Variants in TFAP4 observed in about 807,000 individuals in gnomAD.
TFAP4 encodes the protein activating enhancer-binding protein 4.
In TFAP4, 7 loss-of-function variants were observed where a neutral mutation model predicts 40.4. The ratio of observed to expected loss-of-function variants is 0.17; its 90% CI spans 0.10 to 0.33. TFAP4 has a LOEUF of 0.33. Among genes scored for constraint, TFAP4 ranks in the 10% least tolerant of loss-of-function variants. The probability of loss-of-function intolerance (pLI) is 1.00; values close to 1 mark genes in which losing one functional copy is unlikely to be tolerated. For synonymous variants in TFAP4, 218 were observed against 181.4 expected, an observed-to-expected ratio of 1.20 and a Z score of -1.62; for missense variants, 374 against 451.1, an observed-to-expected ratio of 0.83 and a Z score of 1.55.
At chr16:4,267,821 G>A (rs190353810) in intron 1 of TFAP4, among the ~76,000 whole-genome samples, 164 of 152,286 alleles carry the variant, frequency 1.1e-3, no homozygotes, top group African/African-American at 3.8e-3. Flanking sequence ...TAATCAGCCC[G>A]AGGTTCTCAT....
intron 1 of TFAP4, among the ~76,000 whole-genome samples, chr16:4,272,219 C>G (rs572438629): frequency 1.3e-5 from 2 of 151,630 alleles, no homozygotes; most frequent in African/African-American, 2.4e-5. Context: ...TGTAGCCGCC[C>G]TAGCTACACC....
chr16:4,261,706 G>C, intron 4 of TFAP4, 73 bp downstream of exon 4: 1 of 1,455,306 alleles, frequency 6.9e-7, no homozygotes, highest in South Asian at 1.4e-5. Flanking sequence ...GAGGGCCGCA[G>C]AGCAAGAGGC....
intron 4 of TFAP4, among the ~76,000 whole-genome samples, chr16:4,261,425 A>G (rs1022902700): frequency 6.7e-6 from 1 of 148,566 alleles, no homozygotes; most frequent in African/African-American, 2.5e-5. Context: ...GACTACAGGC[A>G]CCCACCACCA....
chr16:4,258,445 G>A (rs930947685), intron 6 of TFAP4, 196 bp from the exon 7 acceptor site: 2 of 554,470 alleles, frequency 3.6e-6, no homozygotes, highest in Admixed American at 6.8e-5. Context: ...ACAAGCTCTC[G>A]CTATATCACC....
rs142736216 is a variant in TFAP4 at position 4,267,753 on chromosome 16, T to A, written c.89+4905A>T. Reference sequence around the variant, plus strand: ...CATCTACACAGTCAACGTGGGAAAGTCCACACGGGATTCTCCCAAACCCAA... The same window carrying A: ...CATCTACACAGTCAACGTGGGAAAGACCACACGGGATTCTCCCAAACCCAA... On this transcript the variant is annotated intron_variant, in intron 1 of 6. Coordinates refer to ENST00000204517, the MANE Select transcript of TFAP4 (RefSeq NM_003223.3). Among the ~76,000 whole-genome samples the A allele has an allele frequency of 3.4e-3, 521 of 152,238 alleles. 3 individuals carry two copies. Among genetic ancestry groups the A allele is most frequent in the African/African-American group, 0.012 (497 of 41,546 alleles).
chr16:4,271,866 C>A (rs1324657765), intron 1 of TFAP4, among the ~76,000 whole-genome samples: 1 of 152,198 alleles, frequency 6.6e-6, no homozygotes, highest in Non-Finnish European at 1.5e-5. Flanking sequence ...AAAGCGTGGC[C>A]CAGGAGCGCC....
Position 4,272,954 on chromosome 16 carries a change from A to ATGTGTG in TFAP4, c.-214_-209dup, listed in dbSNP as rs71139626. The ATGTGTG allele has an allele frequency of 9.2e-3, 1,440 of 156,216 alleles. 16 individuals carry two copies. Among genetic ancestry groups the ATGTGTG allele is most frequent in the Middle Eastern group, 0.013 (5 of 398 alleles). 9.7% of individuals were successfully genotyped at this position (156,216 alleles called of 1,614,324 possible). A position where few individuals can be genotyped will look rare whatever the true frequency, so the allele number is the denominator to read the frequency against. On this transcript the variant is annotated 5_prime_UTR_variant, in exon 1 of 7. Coordinates refer to ENST00000204517, the MANE Select transcript of TFAP4 (RefSeq NM_003223.3). Reference sequence around the variant, plus strand: ...CCGGCCTGCCTCCCCGGGCGTGTGTATGTGTGTGTGTGTGTGTGTGTGTGT... The same window carrying ATGTGTG: ...CCGGCCTGCCTCCCCGGGCGTGTGTATGTGTGTGTGTGTGTGTGTGTGTGTGTGTGT...
At chr16:4,271,375 C>T (rs761176382) in intron 1 of TFAP4, among the ~76,000 whole-genome samples, 6 of 152,228 alleles carry the variant, frequency 3.9e-5, no homozygotes, top group Non-Finnish European at 8.8e-5. Flanking sequence ...CCTGGGGAGC[C>T]ATTTCGCTCC....
intron 4 of TFAP4, among the ~76,000 whole-genome samples, chr16:4,260,971 GT>G (rs2052943306): frequency 6.6e-6 from 1 of 152,046 alleles, no homozygotes; most frequent in African/African-American, 2.4e-5. Flanking sequence ...TTTTGTTTTT[GT>G]TTTTTGGTTT....
chr16:4,257,311 TAAAAAAAAAAAA>T lies in TFAP4; in HGVS notation c.*732_*743del, dbSNP rs34634533. ...CTTGAACACGAAGACCTCAAAATTG[TAAAAAAAAAAAA>T]AAAAGAAAGAAAAAAAAGAAAAACA... On this transcript the variant is annotated 3_prime_UTR_variant, in exon 7 of 7. Transcript: ENST00000204517. The T allele has an allele frequency of 8.7e-6, 1 of 114,782 alleles. No homozygotes were observed. The highest frequency in any genetic ancestry group is 1.8e-5 in the Non-Finnish European group (1 of 55,872). 7.1% of individuals were successfully genotyped at this position (114,782 alleles called of 1,614,324 possible).
intron 6 of TFAP4, 54 bp downstream of exon 6, chr16:4,260,036 G>C: frequency 6.4e-7 from 1 of 1,560,930 alleles, no homozygotes; most frequent in Admixed American, 1.9e-5. Context: ...CCCCTAAAGA[G>C]CCTGTTCCCG....
At chr16:4,270,927 C>A (rs2053035281) in intron 1 of TFAP4, among the ~76,000 whole-genome samples, 1 of 152,240 alleles carries the variant, frequency 6.6e-6, no homozygotes, top group Non-Finnish European at 1.5e-5. Flanking sequence ...GGTCCCTTCT[C>A]CAGTCTCTGT....
At chr16:4,271,791 C>T (rs1386316759) in intron 1 of TFAP4, among the ~76,000 whole-genome samples, 1 of 152,192 alleles carries the variant, frequency 6.6e-6, no homozygotes, top group Non-Finnish European at 1.5e-5. Flanking sequence ...GTCCCTTCCC[C>T]AAATGGCCTG....
At position 4,267,475 on chromosome 16, in the gene TFAP4, C is replaced by T. The variant is rs548496758; in HGVS notation, c.90-4774G>A. Among the ~76,000 whole-genome samples the T allele has an allele frequency of 3.3e-5, 5 of 152,368 alleles. No homozygotes were observed. The South Asian group carries it at 6.2e-4, about 19-fold the overall frequency. On this transcript the variant is annotated intron_variant, in intron 1 of 6. Transcript: ENST00000204517. ...CAGCCTTGGATGCTAAGGCAAGAGC[C>T]GCCACACCTACCACCACAGCACCCA...
rs1708913413 is a variant in TFAP4 at position 4,257,859 on chromosome 16, A to ACACCCCAGCCC, written c.*185_*195dup. 5 of 596,992 alleles carry ACACCCCAGCCC rather than the reference A, an allele frequency of 8.4e-6. No individual in the cohort carries two copies. The South Asian group carries it at 8.5e-5, about 10-fold the overall frequency. The allele number at this position is 596,992 out of a possible 1,614,324, so 37.0% of individuals were successfully genotyped here. On this transcript the variant is annotated 3_prime_UTR_variant, in exon 7 of 7. Transcript: ENST00000204517. ...TGCCGATGCTCCCACACGCTCTGCG[A>ACACCCCAGCCC]CACCCCAGCCCCGGGACCTCGGGTT...
chr16:4,260,295 T>A, intron 5 of TFAP4, 50 bp from the exon 6 acceptor site: 1 of 1,517,154 alleles, frequency 6.6e-7, no homozygotes, highest in Non-Finnish European at 8.8e-7. Flanking sequence ...TCTTGGCCCA[T>A]CCACCTCCCT....
chr16:4,268,769 T>A (rs1235224500), intron 1 of TFAP4, among the ~76,000 whole-genome samples: 2 of 151,914 alleles, frequency 1.3e-5, no homozygotes, highest in Non-Finnish European at 2.9e-5. Flanking sequence ...GTTTTTTGTA[T>A]TTTTAGTAGA....
rs769862653 is a variant in TFAP4, at chr16:4,258,173, G to C, written c.899C>G (p.Pro300Arg). Residue 300 changes from proline to arginine, a missense_variant, in exon 7 of 7, where the codon CCT becomes CGT. Around this residue, in one of 6 missense-constraint regions of TFAP4, gnomAD observed 93 missense variants for 79.2 expected, o/e 1.17. Coordinates refer to ENST00000204517, the MANE Select transcript of TFAP4 (RefSeq NM_003223.3). ...EEQRRAVIVKPVRSCPEAPTS... is the reference protein window; with the variant it reads ...EEQRRAVIVKRVRSCPEAPTS... The stretch of plus-strand genomic sequence containing the variant: ...GGGGGCCTCCGGGCAGCTGCGGACA[G>C]GCTTCACGATGACAGCTCGCCGCTG... The C allele has an allele frequency of 1.2e-6, 2 of 1,613,922 alleles. No individual in the cohort carries two copies. The highest frequency in any genetic ancestry group is 1.7e-6 in the Non-Finnish European group (2 of 1,179,912).
intron 1 of TFAP4, among the ~76,000 whole-genome samples, chr16:4,267,778 A>G (rs555254237): frequency 1.1e-4 from 16 of 152,332 alleles, no homozygotes; most frequent in South Asian, 4.1e-4. Flanking sequence ...CCCAAACCCA[A>G]AAAAGCACTA....
Sources: allele counts gnomAD v4.1 joint callset (sites outside exome capture counted in the v4.1 genomes callset), GRCh38; gene constraint gnomAD v4.1.1; regional missense constraint gnomAD v4.1.1; transcripts MANE v1.5; gene names NCBI Gene and HGNC (gene_info 2026-07-23, HGNC 2026-07-21).